TP53BP2: variants seen among roughly 807,000 people sequenced by gnomAD.
TP53BP2 encodes the protein tumor protein p53 binding protein 2.
Under a neutral mutation model 126.2 loss-of-function variants are expected in TP53BP2, and 62 were observed. That is an observed-to-expected ratio of 0.49 (90% confidence interval 0.40 to 0.61). The LOEUF (loss-of-function observed/expected upper bound fraction) is 0.61, where lower values mean the gene tolerates loss of function less well. Among genes scored for constraint, TP53BP2 ranks in the 20% least tolerant of loss-of-function variants. TP53BP2 has a pLI of 0.00. For missense variants in TP53BP2, 1,215 were observed against 1,402.8 expected (o/e 0.87, Z 2.14); for synonymous variants, 485 against 502.9 (o/e 0.96, Z 0.48).
At chr1:223,841,019 G>A (rs965623670) in intron 1 of TP53BP2, among the ~76,000 whole-genome samples, 2 of 152,176 alleles carry the variant, frequency 1.3e-5, no homozygotes, top group East Asian at 1.9e-4. Context: ...TTGGGAGGCC[G>A]AGGCTAGTGG....
chr1:223,827,955 G>A (rs1663559596), intron 1 of TP53BP2, among the ~76,000 whole-genome samples: 1 of 152,018 alleles, frequency 6.6e-6, no homozygotes, highest in African/African-American at 2.4e-5. Flanking sequence ...TATTCAAAAA[G>A]TAATTGAATT....
At chr1:223,839,019 T>C (rs1398696955) in intron 1 of TP53BP2, among the ~76,000 whole-genome samples, 1 of 151,852 alleles carries the variant, frequency 6.6e-6, no homozygotes, top group Non-Finnish European at 1.5e-5. Flanking sequence ...TTTCTTTTTT[T>C]TTTTTTTCCA....
intron 16 of TP53BP2, among the ~76,000 whole-genome samples, chr1:223,786,560 ATG>A (rs752458486): frequency 1.1e-3 from 160 of 145,534 alleles, no homozygotes; most frequent in African/African-American, 3.9e-3. Flanking sequence ...CATTATATAT[ATG>A]TGTGTGTGTG....
rs564063666 is a variant in TP53BP2 at position 223,806,098 on chromosome 1, C to G, written c.474+748G>C. On this transcript the variant is annotated intron_variant, in intron 5 of 17. Transcript: ENST00000343537. ...ATAAAGAATGTTCCCCAAATAAAGG[C>G]AAGCAGCCCGTTATTGGTGCCAAGC... is the stretch of plus-strand genomic sequence containing the variant. 2.6e-4 allele frequency among the ~76,000 whole-genome samples: 40 copies of G among 152,254 alleles called. 1 individual carries two copies. Among genetic ancestry groups the G allele is most frequent in the Non-Finnish European group, 4.1e-4 (28 of 68,018 alleles).
intron 3 of TP53BP2, among the ~76,000 whole-genome samples, chr1:223,812,029 C>CAA (rs556093883): frequency 3.5e-5 from 2 of 56,806 alleles, no homozygotes; most frequent in African/African-American, 1.1e-4. Flanking sequence ...AAATAGAGAA[C>CAA]AAAAAAAAAA....
At chr1:223,802,587 T>C (rs1461712379) in intron 8 of TP53BP2, 144 bp downstream of exon 8, 10 of 1,070,646 alleles carry the variant, frequency 9.3e-6, no homozygotes, top group Admixed American at 4.6e-5. Context: ...AAGCAGCGGA[T>C]TGTCTTTTAA....
chr1:223,823,926 G>T (rs1400143932), intron 1 of TP53BP2, among the ~76,000 whole-genome samples: 3 of 152,202 alleles, frequency 2.0e-5, no homozygotes, highest in Non-Finnish European at 4.4e-5. Context: ...CAGAGTATAT[G>T]CTAAACACAC....
chr1:223,806,915 A>G lies in TP53BP2; in HGVS notation c.405T>C (p.Ala135=), dbSNP rs756121089. Residue 135 remains alanine (A), a synonymous_variant, in exon 5 of 18, where the codon GCT becomes GCC. Transcript: ENST00000343537. ...GGCGAGATGCCATTTCCTGAAGTTC[A>G]GCAAGAGTCAGATCCATCCTAGGAC... ...VNSPRMDLTL[A]ELQEMASRQQ... is the part of the protein sequence containing the mutation. 2.4e-5 allele frequency: 38 copies of G among 1,613,946 alleles called. No homozygotes were observed. Among genetic ancestry groups the G allele is most frequent in the South Asian group, 2.3e-4 (21 of 91,088 alleles).
chr1:223,841,713 T>C (rs968019013), intron 1 of TP53BP2, among the ~76,000 whole-genome samples: 1 of 152,148 alleles, frequency 6.6e-6, no homozygotes, highest in Non-Finnish European at 1.5e-5. Flanking sequence ...GTGGTCAAAC[T>C]GCTAAAGGAG....
At position 223,800,358 on chromosome 1, in the gene TP53BP2, G is replaced by C. The variant is rs77768178; in HGVS notation, c.1337-311C>G. Among the ~76,000 whole-genome samples, 650 of 152,242 alleles carry C rather than the reference G, an allele frequency of 4.3e-3. 29 individuals are homozygous for C. In the East Asian group the frequency reaches 0.11, roughly 25 times the overall value. On this transcript the variant is annotated intron_variant, in intron 10 of 17. Transcript: ENST00000343537. The stretch of plus-strand genomic sequence containing the variant: ...TCCAAGCACTTTGGGAAGTGGAAGC[G>C]GGTAGATCACTTGAGCCCAGGAGTC...
chr1:223,804,306 G>A lies in TP53BP2; in HGVS notation c.517C>T (p.Gln173Ter). Residue 173 changes from glutamine (Q) to a stop codon, truncating the protein, a stop_gained, in exon 6 of 18, where the codon CAG (glutamine) becomes TAG (stop). Transcript: ENST00000343537. LOFTEE classifies it high-confidence loss of function. ...TTCTCCTGCTCAGCAACTTGTTGCT[G>A]TTGTCGCTGATCTTGTTGTTTCAAA... ...KFLKQQDQRQQQQVAEQEKLK... is the reference protein window; with the variant it reads ...KFLKQQDQRQ The A allele has an allele frequency of 6.2e-7, 1 of 1,613,880 alleles. No homozygotes were observed. Among genetic ancestry groups the A allele is most frequent in the Non-Finnish European group, 8.5e-7 (1 of 1,179,970 alleles).
chr1:223,822,847 G>A (rs1335691530), intron 1 of TP53BP2, among the ~76,000 whole-genome samples: 2 of 151,926 alleles, frequency 1.3e-5, no homozygotes, highest in Non-Finnish European at 1.5e-5. Flanking sequence ...ACAAGTTTTC[G>A]ACAGTGATGC....
intron 16 of TP53BP2, among the ~76,000 whole-genome samples, chr1:223,787,877 C>T (rs750747394): frequency 3.3e-5 from 5 of 151,604 alleles, no homozygotes; most frequent in Non-Finnish European, 5.9e-5. Context: ...GACCCTACCT[C>T]AAAAATAAAT....
At chr1:223,840,760 G>A (rs928802766) in intron 1 of TP53BP2, among the ~76,000 whole-genome samples, 9 of 152,158 alleles carry the variant, frequency 5.9e-5, no homozygotes, top group African/African-American at 1.9e-4. Context: ...CAGTGTATGC[G>A]AATAAATGAC....
In TP53BP2 at chr1:223,802,805, C is replaced by G; in HGVS notation, c.922G>C (p.Asp308His). 1 of 1,614,206 alleles carries G rather than the reference C, an allele frequency of 6.2e-7. No homozygotes were observed. The highest frequency in any genetic ancestry group is 1.1e-5 in the South Asian group (1 of 91,084). The change falls in exon 8 of 18, where the codon GAT becomes CAT. Residue 308 changes from aspartate (D) to histidine (H), a missense_variant. This residue lies in a region of TP53BP2 where 814 missense variants were observed against 853.0 expected (regional missense o/e 0.95). Transcript: ENST00000343537. ...TCCCTCAGCTCATTAACACGCTTAT[C>G]CATGACTGCCACTTCTGAATTACGC... ...NKRNSEVAVM[D>H]KRVNELRDRL...
chr1:223,804,720 G>GAAATTT (rs1662658306), intron 5 of TP53BP2, among the ~76,000 whole-genome samples: 1 of 152,176 alleles, frequency 6.6e-6, no homozygotes, highest in Non-Finnish European at 1.5e-5. Flanking sequence ...ACAAGATTTG[G>GAAATTT]AGTACATTTA....
intron 11 of TP53BP2, among the ~76,000 whole-genome samples, 167 bp downstream of exon 11, chr1:223,799,728 CACAA>C (rs1662466632): frequency 6.6e-6 from 1 of 152,172 alleles, no homozygotes; most frequent in Non-Finnish European, 1.5e-5. Flanking sequence ...GGTGTGAGAG[CACAA>C]ACAGACTCAC....
chr1:223,841,663 T>C (rs1664106115), intron 1 of TP53BP2, among the ~76,000 whole-genome samples: 1 of 152,244 alleles, frequency 6.6e-6, no homozygotes, highest in African/African-American at 2.4e-5. Flanking sequence ...GCTGCACACT[T>C]TGCAGTTATG....
At chr1:223,788,214 T>A (rs1211090817) in intron 16 of TP53BP2, among the ~76,000 whole-genome samples, 4 of 152,116 alleles carry the variant, frequency 2.6e-5, no homozygotes, top group African/African-American at 9.7e-5. Context: ...GAGGGAAAAG[T>A]TCAGCAGAGA....
Sources: allele counts gnomAD v4.1 joint callset (sites outside exome capture counted in the v4.1 genomes callset), GRCh38; gene constraint gnomAD v4.1.1; regional missense constraint gnomAD v4.1.1; transcripts MANE v1.5; gene names NCBI Gene and HGNC (gene_info 2026-07-23, HGNC 2026-07-21).